The following MROH9 variants were observed in gnomAD, a reference collection of about 807,000 sequenced individuals.
MROH9 encodes the protein maestro heat like repeat family member 9.
MROH9 carries 92 observed loss-of-function variants against 98.2 expected under a neutral mutation model. The observed-to-expected ratio is 0.94, with a 90% CI of 0.79 to 1.11. The LOEUF is 1.11. Ranked by LOEUF, MROH9 falls within the 50% of genes most tolerant of loss-of-function variation. The pLI is 0.00. For missense variants in MROH9, 1,057 were observed against 1,014.8 expected (o/e 1.04, Z -0.57); for synonymous variants, 397 against 368.9 (o/e 1.08, Z -0.87).
chr1:170,974,095 A>G (rs1650589030), intron 8 of MROH9, among the ~76,000 whole-genome samples: 1 of 152,192 alleles, frequency 6.6e-6, no homozygotes, highest in Non-Finnish European at 1.5e-5. Flanking sequence ...TTGCAGACAT[A>G]GTAATAGTAA....
At chr1:170,953,599 C>G (rs1341790933) in intron 3 of MROH9, among the ~76,000 whole-genome samples, 2 of 151,994 alleles carry the variant, frequency 1.3e-5, no homozygotes, top group African/African-American at 4.8e-5. Flanking sequence ...TTGGCCCACA[C>G]AGTTTCTAAC....
At chr1:171,021,684 T>C (rs928366912) in intron 17 of MROH9, among the ~76,000 whole-genome samples, 5 of 152,060 alleles carry the variant, frequency 3.3e-5, no homozygotes, top group African/African-American at 1.2e-4. Flanking sequence ...GTTCAGGACA[T>C]AGGCGTGGGC....
At chr1:171,017,982 GC>G (rs1260147882) in intron 17 of MROH9, among the ~76,000 whole-genome samples, 1 of 152,184 alleles carries the variant, frequency 6.6e-6, no homozygotes, top group African/African-American at 2.4e-5. Context: ...TTTGGAGGAA[GC>G]AAGGCAGACC....
intron 20 of MROH9, among the ~76,000 whole-genome samples, chr1:171,055,120 T>C (rs1375307152): frequency 6.6e-6 from 1 of 151,786 alleles, no homozygotes; most frequent in Non-Finnish European, 1.5e-5. Flanking sequence ...TAAATGTCCG[T>C]CAATCAACAA....
rs775938357 is a variant in MROH9, at chr1:170,992,197, T to G, written c.1062T>G (p.Ser354=). 6.2e-7 allele frequency: 1 copy of G among 1,612,752 alleles called. No homozygotes were observed. The highest frequency in any genetic ancestry group is 1.1e-5 in the South Asian group (1 of 90,920). Reference sequence around the variant, plus strand: ...TACAGATGTGGAAGGCGGCATGTTCTCAGGCGAGCGTGGCCCCTCACGTGC... The same window carrying G: ...TACAGATGTGGAAGGCGGCATGTTCGCAGGCGAGCGTGGCCCCTCACGTGC... ...TLIQMWKAAC[S]QASVAPHVLK... is the part of the protein sequence containing the mutation. The change falls in exon 12 of 22, where the codon TCT becomes TCG. Residue 354 remains serine, a synonymous_variant. Coordinates refer to ENST00000367759, the MANE Select transcript of MROH9 (RefSeq NM_001163629.2).
At chr1:170,971,471 C>T (rs796159108) in intron 7 of MROH9, among the ~76,000 whole-genome samples, 5 of 152,256 alleles carry the variant, frequency 3.3e-5, no homozygotes, top group African/African-American at 1.2e-4. Context: ...GTTGAGTCAC[C>T]ATTATGTCCA....
intron 20 of MROH9, among the ~76,000 whole-genome samples, chr1:171,037,257 G>T (rs1034365925): frequency 6.6e-6 from 1 of 151,226 alleles, no homozygotes; most frequent in African/African-American, 2.4e-5. Context: ...CGGAGGGAGA[G>T]AGGAAAAAGA....
At chr1:171,037,719 A>C (rs1321746875) in intron 20 of MROH9, among the ~76,000 whole-genome samples, 4 of 152,044 alleles carry the variant, frequency 2.6e-5, no homozygotes, top group African/African-American at 9.7e-5. Flanking sequence ...TTTAGTAATT[A>C]AAATCACATG....
intron 17 of MROH9, among the ~76,000 whole-genome samples, chr1:171,023,873 C>CT (rs1349423668): frequency 2.6e-5 from 4 of 152,056 alleles, no homozygotes; most frequent in Non-Finnish European, 5.9e-5. Context: ...CTAAAAGAAA[C>CT]TTTGTATCCT....
chr1:171,058,833 C>G (rs930325259), intron 20 of MROH9, among the ~76,000 whole-genome samples: 1 of 152,172 alleles, frequency 6.6e-6, no homozygotes, highest in African/African-American at 2.4e-5. Context: ...ACACCTTATA[C>G]AAAAATTAAC....
intron 20 of MROH9, among the ~76,000 whole-genome samples, chr1:171,058,581 G>A (rs1168161800): frequency 1.3e-5 from 2 of 152,032 alleles, no homozygotes; most frequent in Non-Finnish European, 2.9e-5. Context: ...GAGGCATCAT[G>A]TTACCTGACT....
intron 3 of MROH9, among the ~76,000 whole-genome samples, chr1:170,951,990 C>T (rs1649570342): frequency 6.6e-6 from 1 of 150,586 alleles, no homozygotes; most frequent in Non-Finnish European, 1.5e-5. Context: ...CCAAAAGACA[C>T]ATGAAAAAAT....
rs1164015612 is a variant in MROH9 at position 170,971,785 on chromosome 1, C to A, written c.518C>A (p.Ala173Glu). ...VDAPCLGLLA[A>E]ELSLLCSHED... ...GCTCCATGTTTGGGTCTCCTGGCAGCAGAGCTGTCTCTTTTGTGTTCCCAT... is the reference window on the plus strand; with the variant it reads ...GCTCCATGTTTGGGTCTCCTGGCAGAAGAGCTGTCTCTTTTGTGTTCCCAT... Residue 173 changes from alanine to glutamate, a missense_variant, in exon 8 of 22, where the codon GCA becomes GAA. Physicochemically the swap from Ala to Glu is moderately radical, Grantham distance 107 (BLOSUM62 -1). Coordinates refer to ENST00000367759, the MANE Select transcript of MROH9 (RefSeq NM_001163629.2). The A allele has an allele frequency of 4.3e-6, 7 of 1,613,936 alleles. No individual in the cohort carries two copies. Among genetic ancestry groups the A allele is most frequent in the African/African-American group, 1.3e-5 (1 of 74,916 alleles).
intron 20 of MROH9, among the ~76,000 whole-genome samples, chr1:171,055,032 TAAA>T (rs375031261): frequency 4.9e-5 from 6 of 122,574 alleles, no homozygotes; most frequent in African/African-American, 1.5e-4. Flanking sequence ...GAAGTCATTA[TAAA>T]AAAAAAAAAA....
At chr1:171,034,883 T>C (rs1436050418) in intron 20 of MROH9, among the ~76,000 whole-genome samples, 3 of 151,640 alleles carry the variant, frequency 2.0e-5, no homozygotes, top group Non-Finnish European at 4.4e-5. Context: ...AGAAAGCCTA[T>C]AAACAGATCC....
intron 17 of MROH9, among the ~76,000 whole-genome samples, chr1:171,017,172 C>T (rs530750145): frequency 8.5e-5 from 13 of 152,340 alleles, no homozygotes; most frequent in Admixed American, 6.5e-4. Context: ...CTAGAAGCAG[C>T]AGCATCCGGA....
At chr1:171,023,468 A>T (rs1221063651) in intron 17 of MROH9, among the ~76,000 whole-genome samples, 2 of 152,134 alleles carry the variant, frequency 1.3e-5, no homozygotes, top group African/African-American at 4.8e-5. Context: ...TTCAAGTTAT[A>T]CATACTATTT....
In MROH9 at chr1:170,974,891, T is replaced by C. The variant is rs553246085; in HGVS notation, c.616+3008T>C. Among the ~76,000 whole-genome samples, 254 of 152,176 alleles carry C rather than the reference T, an allele frequency of 1.7e-3. 1 individual carries two copies. Among genetic ancestry groups the C allele is most frequent in the African/African-American group, 5.7e-3 (239 of 41,570 alleles). On this transcript the variant is annotated intron_variant, in intron 8 of 21. Coordinates refer to ENST00000367759, the MANE Select transcript of MROH9 (RefSeq NM_001163629.2). The stretch of plus-strand genomic sequence containing the variant: ...AATGTATAAATGTGTTTTAAAATTC[T>C]TCTCCTATGCACAAAGTTATAAAAT...
At chr1:171,010,396 T>C (rs868650895) in intron 15 of MROH9, among the ~76,000 whole-genome samples, 1 of 152,244 alleles carries the variant, frequency 6.6e-6, no homozygotes, top group African/African-American at 2.4e-5. Flanking sequence ...AGAATAAACA[T>C]ACATGTGCAT....
Sources: gnomAD v4.1 joint callset for allele counts (sites outside exome capture counted in the v4.1 genomes callset) on GRCh38, gnomAD v4.1.1 for gene constraint, MANE v1.5 for transcripts, NCBI Gene and HGNC (gene_info 2026-07-23, HGNC 2026-07-21) for gene names.